ZNF337: variants seen among roughly 807,000 people sequenced by gnomAD.
ZNF337 encodes zinc finger protein 337.
A neutral mutation model predicts 12.1 loss-of-function variants in ZNF337; 8 were observed. That is an observed-to-expected ratio of 0.66 (90% CI 0.39 to 1.19). The LOEUF (loss-of-function observed/expected upper bound fraction) is 1.19, where lower values mean the gene tolerates loss of function less well. Among genes scored for constraint, ZNF337 ranks in the 50% most tolerant of loss-of-function variants. The pLI is 0.01. For missense variants in ZNF337, 882 were observed against 896.6 expected (o/e 0.98, Z 0.21); for synonymous variants, 336 against 320.0 (o/e 1.05, Z -0.53).
chr20:25,686,177 T>TG, intron 2 of ZNF337, 55 bp from the exon 3 acceptor site: 1 of 1,608,782 alleles, frequency 6.2e-7, no homozygotes, highest in South Asian at 1.1e-5. Context: ...CTCACGCAGT[T>TG]GGAGGATTCC....
At chr20:25,694,387 T>A (rs2065904041) in intron 1 of ZNF337, among the ~76,000 whole-genome samples, 1 of 152,150 alleles carries the variant, frequency 6.6e-6, no homozygotes, top group South Asian at 2.1e-4. Flanking sequence ...CCTCAATGAA[T>A]CTGCACAGAT....
chr20:25,684,389 TAAAA>T (rs1207769372), intron 4 of ZNF337, among the ~76,000 whole-genome samples: 3 of 151,518 alleles, frequency 2.0e-5, no homozygotes, highest in African/African-American at 7.3e-5. Context: ...TAAAAAAAAT[TAAAA>T]AAAGAGAAAT....
Position 25,677,050 on chromosome 20 carries a change from C to A in ZNF337, c.251-13G>T. On this transcript the variant is annotated splice_polypyrimidine_tract_variant and intron_variant, in intron 4 of 4. Coordinates refer to ENST00000252979, the MANE Select transcript of ZNF337 (RefSeq NM_015655.4). ...TCTGCATATATTCCTGGAGAATAGA[C>A]CAACAATGAGACTGAATCAGTAACG... 6.4e-7 allele frequency: 1 copy of A among 1,567,336 alleles called. No individual in the cohort carries two copies. The highest frequency in any genetic ancestry group is 8.6e-7 in the Non-Finnish European group (1 of 1,158,598).
Position 25,675,808 on chromosome 20 carries a change from C to A in ZNF337, c.1480G>T (p.Gly494Trp), listed in dbSNP as rs1454373273. The A allele has an allele frequency of 6.2e-7, 1 of 1,614,134 alleles. No homozygotes were observed. The change falls in exon 5 of 5, where the codon GGG (glycine) becomes TGG (tryptophan). Residue 494 changes from glycine to tryptophan, a missense_variant. Gly to Trp is a radical substitution (Grantham distance 184). Coordinates refer to ENST00000252979, the MANE Select transcript of ZNF337 (RefSeq NM_015655.4). ...EEKPYGCREC[G>W]RRFRDKSSYN... ...GAGGACTTATCCCGAAACCTTCGCC[C>A]ACACTCCCGACATCCATAAGGCTTC...
intron 4 of ZNF337, among the ~76,000 whole-genome samples, chr20:25,683,966 A>G (rs1207200057): frequency 3.9e-5 from 6 of 152,052 alleles, no homozygotes; most frequent in African/African-American, 1.5e-4. Flanking sequence ...ATGTCCAACA[A>G]TGATAGACTG....
chr20:25,685,473 A>C, intron 4 of ZNF337, 94 bp downstream of exon 4: 3 of 1,061,128 alleles, frequency 2.8e-6, no homozygotes, highest in Non-Finnish European at 4.3e-6. Flanking sequence ...CAAGGAGGCC[A>C]GAACAGCTTC....
At chr20:25,684,085 C>T (rs376640656) in intron 4 of ZNF337, among the ~76,000 whole-genome samples, 3 of 151,662 alleles carry the variant, frequency 2.0e-5, no homozygotes, top group African/African-American at 2.4e-5. Context: ...CCATCATTCT[C>T]AGCAAACTAT....
At chr20:25,681,944 A>C (rs147163124) in intron 4 of ZNF337, among the ~76,000 whole-genome samples, 2,479 of 152,342 alleles carry the variant, frequency 0.016, 41 homozygotes, top group South Asian at 0.053. Context: ...CAGCTGGGTA[A>C]GTAAGCGATA....
chr20:25,682,862 A>G lies in ZNF337; in HGVS notation c.250+2705T>C, dbSNP rs148905854. Among the ~76,000 whole-genome samples, 45 of 152,240 alleles carry G rather than the reference A, an allele frequency of 3.0e-4. No homozygotes were observed. The East Asian group carries it at 8.7e-3, about 29-fold the overall frequency. Reference sequence around the variant, plus strand: ...AAAAAAAAAAAACTTTATATCTTTAAATCTTTGTATCTTTATAAACTTGAT... The same window carrying G: ...AAAAAAAAAAAACTTTATATCTTTAGATCTTTGTATCTTTATAAACTTGAT... On this transcript the variant is annotated intron_variant, in intron 4 of 4. Coordinates refer to ENST00000252979, the MANE Select transcript of ZNF337 (RefSeq NM_015655.4).
chr20:25,683,494 G>T (rs560539642), intron 4 of ZNF337, among the ~76,000 whole-genome samples: 7 of 147,186 alleles, frequency 4.8e-5, no homozygotes, highest in Non-Finnish European at 8.9e-5. Flanking sequence ...AGCTAAAATA[G>T]AACTTAAACA....
intron 4 of ZNF337, among the ~76,000 whole-genome samples, chr20:25,682,935 C>T (rs113580808): frequency 1.8e-4 from 28 of 152,056 alleles, no homozygotes; most frequent in Admixed American, 1.2e-3. Context: ...TCCAAGTACT[C>T]GAGGAGAACT....
At chr20:25,679,390 A>G (rs748053639) in intron 4 of ZNF337, among the ~76,000 whole-genome samples, 9 of 152,228 alleles carry the variant, frequency 5.9e-5, no homozygotes, top group Non-Finnish European at 1.3e-4. Flanking sequence ...AAGATACAAA[A>G]TGTAGAATGG....
In ZNF337 at chr20:25,674,773, A is replaced by C. The variant is rs189759487; in HGVS notation, c.*259T>G. On this transcript the variant is annotated 3_prime_UTR_variant, in exon 5 of 5. Transcript: ENST00000252979. ...ACAAATACAACAAGAATATGTGCTC[A>C]GTAGGAAAGAGACCACATTTCCCCA... The C allele has an allele frequency of 4.6e-5, 24 of 521,292 alleles. No homozygotes were observed. In the East Asian group the frequency reaches 7.8e-4, roughly 17 times the overall value. 32.3% of individuals were successfully genotyped at this position (521,292 alleles called of 1,614,324 possible).
chr20:25,675,179 AT>A lies in ZNF337; in HGVS notation c.2108del (p.His703LeufsTer30), dbSNP rs1196089676. 2 of 1,614,096 alleles carry A rather than the reference AT, an allele frequency of 1.2e-6. No individual in the cohort carries two copies. The highest frequency in any genetic ancestry group is 4.5e-5 in the East Asian group (2 of 44,900). On this transcript the variant is annotated frameshift_variant, in exon 5 of 5. Transcript: ENST00000252979. LOFTEE classifies it low-confidence loss of function (END_TRUNC). ...GYTSKSDLTVHERIHTGERPY... is the reference protein window; with the variant it reads ...GYTSKSDLTVXERIHTGERPY... ...GCCTCTCTCCTGTGTGTATTCTTTC[AT>A]GCACAGTGAGGTCTGACTTACTGGT...
In ZNF337 at chr20:25,685,682, C is replaced by A. The variant is rs901707802; in HGVS notation, c.155-20G>T. The A allele has an allele frequency of 1.9e-6, 3 of 1,604,722 alleles. No individual in the cohort carries two copies. Among genetic ancestry groups the A allele is most frequent in the Admixed American group, 1.7e-5 (1 of 59,938 alleles). ...GAATTCCTGCTCACAGGGAAAAAAACCATGAGGTGACTCCTGGTTGTAGGC... is the reference window on the plus strand; with the variant it reads ...GAATTCCTGCTCACAGGGAAAAAAAACATGAGGTGACTCCTGGTTGTAGGC... On this transcript the variant is annotated intron_variant, in intron 3 of 4. Transcript: ENST00000252979.
intron 4 of ZNF337, among the ~76,000 whole-genome samples, chr20:25,684,521 T>C (rs1243865473): frequency 1.3e-5 from 2 of 152,174 alleles, no homozygotes; most frequent in Non-Finnish European, 2.9e-5. Flanking sequence ...TTTTCCTCTG[T>C]TGGTGGGAGT....
chr20:25,695,757 C>T (rs2065918098), intron 1 of ZNF337, among the ~76,000 whole-genome samples: 1 of 152,072 alleles, frequency 6.6e-6, no homozygotes, highest in Non-Finnish European at 1.5e-5. Context: ...TGCTGTGCTG[C>T]CCAGGCTGCT....
chr20:25,685,179 TTA>T (rs2065815537), intron 4 of ZNF337, among the ~76,000 whole-genome samples: 1 of 149,916 alleles, frequency 6.7e-6, no homozygotes, highest in South Asian at 2.1e-4. Context: ...ATCAAAAAAT[TTA>T]TATTTACTTA....
At position 25,686,186 on chromosome 20, in the gene ZNF337, C is replaced by G. The variant is rs1156470399; in HGVS notation, c.28-64G>C. The G allele has an allele frequency of 4.4e-6, 7 of 1,606,612 alleles. No homozygotes were observed. In the East Asian group the frequency reaches 1.6e-4, roughly 36 times the overall value. On this transcript the variant is annotated intron_variant, in intron 2 of 4. Coordinates refer to ENST00000252979, the MANE Select transcript of ZNF337 (RefSeq NM_015655.4). ...GTTGCACTCACGCAGTTGGAGGATT[C>G]CAGGTTCTGCCATCTGTACACAGAT...
Sources: gnomAD v4.1 joint callset for allele counts (sites outside exome capture counted in the v4.1 genomes callset) on GRCh38, gnomAD v4.1.1 for gene constraint, MANE v1.5 for transcripts, NCBI Gene and HGNC (gene_info 2026-07-23, HGNC 2026-07-21) for gene names.